DLC1: variants seen among roughly 807,000 people sequenced by gnomAD.
DLC1 encodes the protein rho GTPase-activating protein 7.
Under a neutral mutation model 140.3 loss-of-function variants are expected in DLC1, and 54 were observed. The ratio of observed to expected loss-of-function variants is 0.38; its 90% CI spans 0.31 to 0.48. DLC1 has a LOEUF of 0.48. Ranked by LOEUF, DLC1 falls within the 20% of genes least tolerant of loss-of-function variation. DLC1 has a pLI of 0.96. For synonymous variants in DLC1, 986 were observed against 728.1 expected, an observed-to-expected ratio of 1.35 and a Z score of -5.70; for missense variants, 2,536 against 1,907.0, an observed-to-expected ratio of 1.33 and a Z score of -6.14.
intron 5 of DLC1, among the ~76,000 whole-genome samples, chr8:13,174,338 G>GTT (rs1418785337): frequency 6.6e-6 from 1 of 152,104 alleles, no homozygotes; most frequent in African/African-American, 2.4e-5. Context: ...AAGTGCATGT[G>GTT]TTTTTTTGAT....
intron 5 of DLC1, among the ~76,000 whole-genome samples, chr8:13,283,502 C>T (rs1043066614): frequency 2.6e-5 from 4 of 152,098 alleles, no homozygotes; most frequent in Non-Finnish European, 4.4e-5. Context: ...TATAACCTGG[C>T]AGTTCTTTTT....
intron 1 of DLC1, among the ~76,000 whole-genome samples, chr8:13,533,358 A>G (rs1803165082): frequency 6.6e-6 from 1 of 152,194 alleles, no homozygotes; most frequent in Non-Finnish European, 1.5e-5. Context: ...ATTCTAAAGT[A>G]ATTAAGATAT....
At chr8:13,218,054 A>G (rs1828294139) in intron 5 of DLC1, among the ~76,000 whole-genome samples, 1 of 152,098 alleles carries the variant, frequency 6.6e-6, no homozygotes, top group Non-Finnish European at 1.5e-5. Context: ...TAAGACATAC[A>G]TGTATCAAAT....
chr8:13,198,398 A>C (rs1277302274), intron 5 of DLC1, among the ~76,000 whole-genome samples: 1 of 152,186 alleles, frequency 6.6e-6, no homozygotes, highest in African/African-American at 2.4e-5. Context: ...CAATTGAACA[A>C]AAGCTCTCGA....
chr8:13,155,965 T>C (rs900380364), intron 5 of DLC1, among the ~76,000 whole-genome samples: 2 of 152,176 alleles, frequency 1.3e-5, no homozygotes, highest in East Asian at 1.9e-4. Flanking sequence ...GTCTTGATTT[T>C]TTAGACATTT....
At chr8:13,506,877 C>T (rs1802113877) in intron 1 of DLC1, among the ~76,000 whole-genome samples, 2 of 151,952 alleles carry the variant, frequency 1.3e-5, no homozygotes, top group South Asian at 4.1e-4. Flanking sequence ...TGAGGGTCAC[C>T]TTAGTAAGAT....
At chr8:13,150,439 C>G (rs139504899) in intron 5 of DLC1, among the ~76,000 whole-genome samples, 179 of 152,068 alleles carry the variant, frequency 1.2e-3, no homozygotes, top group African/African-American at 4.3e-3. Flanking sequence ...TAATTACTCA[C>G]TGTATTGCCC....
chr8:13,310,089 A>G (rs76219793), intron 4 of DLC1, among the ~76,000 whole-genome samples: 5,049 of 152,310 alleles, frequency 0.033, 304 homozygotes, highest in African/African-American at 0.12. Context: ...TTATAGGCCA[A>G]TCTCTTCAAA....
chr8:13,092,760 G>T lies in DLC1; in HGVS notation c.3592C>A (p.Arg1198=), dbSNP rs754667634. The part of the protein sequence containing the change: ...AAIMLLPDEN[R]EVLQTLLYFL... ...TAAAGCAGGGTCTGCAGAACCTCCC[G>T]GTTCTCGTCAGGCAGCAGCATGATG... Residue 1198 remains arginine (R), a synonymous_variant, in exon 13 of 18, where the codon CGG becomes AGG. Transcript: ENST00000276297. 8.7e-6 allele frequency: 14 copies of T among 1,614,090 alleles called. No individual in the cohort carries two copies. The highest frequency in any genetic ancestry group is 6.6e-5 in the South Asian group (6 of 91,050).
intron 4 of DLC1, among the ~76,000 whole-genome samples, chr8:13,384,364 G>A (rs1412834116): frequency 8.0e-6 from 1 of 125,554 alleles, no homozygotes. Flanking sequence ...ACAAAACTAT[G>A]TGTGTGAGCG....
chr8:13,170,477 T>C (rs980721275), intron 5 of DLC1, among the ~76,000 whole-genome samples: 3 of 152,126 alleles, frequency 2.0e-5, no homozygotes, highest in Admixed American at 6.5e-5. Context: ...ACGCCTGTAA[T>C]CCCAGCACTT....
In DLC1 at chr8:13,325,735, C is replaced by G. The variant is rs145781882; in HGVS notation, c.1315-20433G>C. ...GATTAAGTTCAGGAGAGAATATTCT[C>G]TGGGAAAAATGGGCATTAAAAGAAA... On this transcript the variant is annotated intron_variant, in intron 4 of 17. Transcript: ENST00000276297. Among the ~76,000 whole-genome samples the G allele has an allele frequency of 5.1e-3, 782 of 152,214 alleles. 10 individuals carry two copies. Among genetic ancestry groups the G allele is most frequent in the African/African-American group, 0.018 (748 of 41,528 alleles).
intron 5 of DLC1, among the ~76,000 whole-genome samples, chr8:13,256,945 A>C (rs79826052): frequency 0.013 from 1,915 of 151,410 alleles, 14 homozygotes; most frequent in Middle Eastern, 0.024. Context: ...CCTTGGAGTA[A>C]TTGTAACTAC....
At chr8:13,568,036 G>A in intron 1 of DLC1, 1 of 1,364,778 alleles carries the variant, frequency 7.3e-7, no homozygotes. Flanking sequence ...ACTTTACTAT[G>A]CTTCCTTCAC....
chr8:13,115,718 C>T, intron 5 of DLC1, 61 bp from the exon 6 acceptor site: 1 of 1,516,308 alleles, frequency 6.6e-7, no homozygotes, highest in Admixed American at 1.8e-5. Context: ...CTTATTTTTC[C>T]TGAATAAGCT....
intron 5 of DLC1, among the ~76,000 whole-genome samples, chr8:13,120,356 A>AATATATATAT (rs1554577907): frequency 9.4e-4 from 57 of 60,960 alleles, no homozygotes; most frequent in Middle Eastern, 0.012. Context: ...AAAAAAAAAA[A>AATATATATAT]ATATATATAT....
At position 13,088,640 on chromosome 8, in the gene DLC1, T is replaced by A. The variant is rs553999075; in HGVS notation, c.4139A>T (p.Glu1380Val). 1.2e-5 allele frequency: 19 copies of A among 1,614,142 alleles called. No homozygotes were observed. The South Asian group carries it at 2.0e-4, about 17-fold the overall frequency. Residue 1380 changes from glutamate (E) to valine (V), a missense_variant, in exon 16 of 18, where the codon GAA becomes GTA. Glu to Val is a moderately radical substitution (Grantham distance 121, BLOSUM62 -2). Coordinates refer to ENST00000276297, the MANE Select transcript of DLC1 (RefSeq NM_182643.3). ...TTCTTTAAGTAGGCGCTTTAAGATT[T>A]CCTCTGGCACAGCAGGGACTTCAAT... ...SVIEVPAVPE[E>V]ILKRLLKEQH... is the part of the protein sequence containing the mutation.
At chr8:13,199,765 G>A (rs187448518) in intron 5 of DLC1, among the ~76,000 whole-genome samples, 2,878 of 152,164 alleles carry the variant, frequency 0.019, 86 homozygotes, top group African/African-American at 0.06. Context: ...GAGTCAATAA[G>A]TTTTAGAGCA....
At chr8:13,527,350 A>G (rs1484057623) in intron 1 of DLC1, among the ~76,000 whole-genome samples, 1 of 152,174 alleles carries the variant, frequency 6.6e-6, no homozygotes, top group African/African-American at 2.4e-5. Context: ...TTTAGTCAGC[A>G]TGAAGCTTTT....
Sources: allele counts gnomAD v4.1 joint callset (sites outside exome capture counted in the v4.1 genomes callset), GRCh38; gene constraint gnomAD v4.1.1; transcripts MANE v1.5; gene names NCBI Gene and HGNC (gene_info 2026-07-23, HGNC 2026-07-21).